The following WDR44 variants were observed in gnomAD, a reference collection of about 807,000 sequenced individuals.
WDR44 encodes WD repeat-containing protein 44.
A neutral mutation model predicts 65.7 loss-of-function variants in WDR44; 9 were observed. The observed-to-expected ratio is 0.14, with a 90% CI of 0.08 to 0.24. The LOEUF (loss-of-function observed/expected upper bound fraction) is 0.24, where lower values mean the gene tolerates loss of function less well. Among genes scored for constraint, WDR44 ranks in the 10% least tolerant of loss-of-function variants. The pLI is 1.00. For synonymous variants in WDR44, 220 were observed against 235.2 expected (o/e 0.94, Z 0.59); for missense variants, 425 against 670.9 (o/e 0.63, Z 4.05).
rs755182907 is a variant in WDR44, at chrX:118,427,565, C to T, written c.1738-5216C>T. Reference sequence around the variant, plus strand: ...GATTACAGGCGTGAGCCACCACACCCGGCAAAATGGGCAGACATCTGTAAC... The same window carrying T: ...GATTACAGGCGTGAGCCACCACACCTGGCAAAATGGGCAGACATCTGTAAC... On this transcript the variant is annotated intron_variant, in intron 12 of 19. Coordinates refer to ENST00000254029, the MANE Select transcript of WDR44 (RefSeq NM_019045.5). Among the ~76,000 whole-genome samples the T allele has an allele frequency of 2.8e-5, 3 of 107,184 alleles. No homozygotes were observed. In the South Asian group the frequency reaches 1.2e-3, roughly 43 times the overall value. The allele number at this position is 107,184 out of a possible 115,157, so 93.1% of individuals were successfully genotyped here. A position where few individuals can be genotyped will look rare whatever the true frequency, so the allele number is the denominator to read the frequency against.
At chrX:118,350,470 T>C (rs926120357) in intron 1 of WDR44, among the ~76,000 whole-genome samples, 2 of 111,847 alleles carry the variant, frequency 1.8e-5, no homozygotes, top group Admixed American at 1.9e-4. Flanking sequence ...GGGATTACAC[T>C]CTTGAGAACC....
Position 118,393,220 on chromosome X carries a change from A to G in WDR44, c.775A>G (p.Lys259Glu), listed in dbSNP as rs2056835477. 1.7e-6 allele frequency: 2 copies of G among 1,200,677 alleles called. No homozygotes were observed. Among genetic ancestry groups the G allele is most frequent in the East Asian group, 5.9e-5 (2 of 33,814 alleles). ...PPSRPAPPPR[K>E]RKSELEFETL... is the part of the protein sequence containing the mutation. ...TTCTCGACCTGCTCCACCACCAAGA[A>G]AAAGGAAAAGCGAATTGGAATTTGA... Residue 259 changes from lysine (K) to glutamate (E), a missense_variant, in exon 4 of 20, where the codon AAA (lysine) becomes GAA (glutamate). Physicochemically the swap from Lys to Glu is moderately conservative, Grantham distance 56. Coordinates refer to ENST00000254029, the MANE Select transcript of WDR44 (RefSeq NM_019045.5).
In WDR44 at chrX:118,392,912, A is replaced by G. The variant is rs1413340278; in HGVS notation, c.467A>G (p.Lys156Arg). 4.1e-6 allele frequency: 5 copies of G among 1,211,126 alleles called. No individual in the cohort carries two copies. The highest frequency in any genetic ancestry group is 5.6e-6 in the Non-Finnish European group (5 of 895,545). The part of the protein sequence containing the change: ...TCEKPVDETT[K>R]LTQTSSTEQL... ...GAGAAACCAGTAGATGAAACCACGA[A>G]GTTAACTCAAACAAGTTCAACTGAG... is the stretch of plus-strand genomic sequence containing the variant. Residue 156 changes from lysine (K) to arginine (R), a missense_variant, in exon 4 of 20, where the codon AAG (lysine) becomes AGG (arginine). Lys to Arg is a conservative substitution (Grantham distance 26). Around this residue, in one of 5 missense-constraint regions of WDR44, gnomAD observed 193 missense variants for 209.0 expected, o/e 0.92. Coordinates refer to ENST00000254029, the MANE Select transcript of WDR44 (RefSeq NM_019045.5).
At chrX:118,358,121 TAACAAAA>T (rs1359771314) in intron 1 of WDR44, among the ~76,000 whole-genome samples, 1 of 112,411 alleles carries the variant, frequency 8.9e-6, no homozygotes, top group Admixed American at 9.4e-5. Context: ...ACCCAGCTTT[TAACAAAA>T]ATGATTTCTA....
In WDR44 at chrX:118,351,249, A is replaced by G. The variant is rs750546966; in HGVS notation, c.77+4669A>G. Among the ~76,000 whole-genome samples the G allele has an allele frequency of 1.1e-4, 12 of 112,305 alleles. No individual in the cohort carries two copies. In the South Asian group the frequency reaches 3.7e-3, roughly 34 times the overall value. The stretch of plus-strand genomic sequence containing the variant: ...ATTTAGTTAGTATTAACTGCAATCT[A>G]CCATATTCAGATAGGAATAATGATA... On this transcript the variant is annotated intron_variant, in intron 1 of 19. Transcript: ENST00000254029.
chrX:118,414,955 C>G (rs2057044322), intron 12 of WDR44, among the ~76,000 whole-genome samples: 2 of 111,506 alleles, frequency 1.8e-5, no homozygotes, highest in African/African-American at 6.5e-5. Context: ...TTGTCTTGTT[C>G]CAGTTCTCAG....
At chrX:118,440,226 A>G (rs1157876984) in intron 14 of WDR44, among the ~76,000 whole-genome samples, 1 of 110,710 alleles carries the variant, frequency 9.0e-6, no homozygotes, top group Non-Finnish European at 1.9e-5. Flanking sequence ...TCTCAATCCT[A>G]GTACTATTGA....
At chrX:118,442,831 A>G (rs1209581355) in intron 17 of WDR44, 151 bp downstream of exon 17, 8 of 416,494 alleles carry the variant, frequency 1.9e-5, no homozygotes, top group Non-Finnish European at 1.7e-5. Context: ...TTGTCCACCT[A>G]TATAGTATAT....
intron 2 of WDR44, among the ~76,000 whole-genome samples, chrX:118,383,512 A>G (rs959817748): frequency 2.7e-5 from 3 of 112,081 alleles, no homozygotes; most frequent in African/African-American, 9.7e-5. Context: ...AAATATCCAC[A>G]GAATTATGCT....
intron 2 of WDR44, among the ~76,000 whole-genome samples, chrX:118,385,435 T>C (rs187362182): frequency 1.8e-5 from 2 of 111,554 alleles, no homozygotes; most frequent in African/African-American, 6.5e-5. Flanking sequence ...TTCTCACTTA[T>C]AGGTGGGAGC....
chrX:118,405,402 C>T (rs12840932), intron 9 of WDR44, among the ~76,000 whole-genome samples: 14,311 of 105,205 alleles, frequency 0.14, 794 homozygotes, highest in Admixed American at 0.27. Context: ...TACAGTGGCA[C>T]GATCTCGGCT....
intron 1 of WDR44, among the ~76,000 whole-genome samples, chrX:118,368,474 T>C (rs1037495927): frequency 1.0e-5 from 1 of 96,869 alleles, no homozygotes; most frequent in Non-Finnish European, 2.0e-5. Flanking sequence ...TATATATATA[T>C]ATATATACTT....
At chrX:118,354,907 G>T (rs897719476) in intron 1 of WDR44, among the ~76,000 whole-genome samples, 17 of 111,867 alleles carry the variant, frequency 1.5e-4, no homozygotes, top group Non-Finnish European at 2.4e-4. Flanking sequence ...ACTGTCCCAG[G>T]AGCAAGCATC....
At chrX:118,346,724 C>A in intron 1 of WDR44, 144 bp downstream of exon 1, 1 of 457,851 alleles carries the variant, frequency 2.2e-6, no homozygotes, top group Non-Finnish European at 3.5e-6. Context: ...AGAACCCAGA[C>A]CTGGGGCTTC....
intron 2 of WDR44, among the ~76,000 whole-genome samples, chrX:118,379,247 A>G (rs2056692821): frequency 9.0e-6 from 1 of 111,126 alleles, no homozygotes; most frequent in South Asian, 3.8e-4. Context: ...AACTATTTAT[A>G]TCAGATAGAG....
At chrX:118,368,008 A>G (rs1569358954) in intron 1 of WDR44, among the ~76,000 whole-genome samples, 1 of 111,752 alleles carries the variant, frequency 8.9e-6, no homozygotes, top group African/African-American at 3.3e-5. Flanking sequence ...GACTACTGTT[A>G]TATATTTTCT....
intron 1 of WDR44, among the ~76,000 whole-genome samples, chrX:118,374,379 G>A (rs2056639599): frequency 9.0e-6 from 1 of 110,993 alleles, no homozygotes; most frequent in African/African-American, 3.3e-5. Context: ...TTCTACAAAT[G>A]GATTTAGAAA....
In WDR44 at chrX:118,395,357, T is replaced by G. The variant is rs777841339; in HGVS notation, c.1053+13T>G. The G allele has an allele frequency of 4.3e-6, 5 of 1,165,539 alleles. No homozygotes were observed. Among genetic ancestry groups the G allele is most frequent in the Non-Finnish European group, 5.8e-6 (5 of 864,180 alleles). On this transcript the variant is annotated intron_variant, in intron 6 of 19. Transcript: ENST00000254029. ...GCTTACTGATGAGGTAGAAATAGAT[T>G]TTTTTGTTCTTGTTCTTAAAACATA...
chrX:118,350,571 T>A (rs183499989), intron 1 of WDR44, among the ~76,000 whole-genome samples: 88 of 112,002 alleles, frequency 7.9e-4, no homozygotes, highest in African/African-American at 2.7e-3. Context: ...TGATTTTTTT[T>A]AATCTTTTCG....
Sources: allele counts gnomAD v4.1 joint callset (sites outside exome capture counted in the v4.1 genomes callset), GRCh38; gene constraint gnomAD v4.1.1; regional missense constraint gnomAD v4.1.1; transcripts MANE v1.5; gene names NCBI Gene and HGNC (gene_info 2026-07-23, HGNC 2026-07-21).